POLRMT: variants seen among roughly 807,000 people sequenced by gnomAD.
The protein encoded by POLRMT is DNA-directed RNA polymerase, mitochondrial.
Under a neutral mutation model 132.2 loss-of-function variants are expected in POLRMT, and 114 were observed. The observed-to-expected ratio is 0.86, with a 90% confidence interval of 0.74 to 1.01. POLRMT has a LOEUF of 1.01. Ranked by LOEUF, POLRMT falls within the 50% of genes least tolerant of loss-of-function variation. The probability of loss-of-function intolerance (pLI) is 0.00; values close to 1 mark genes in which losing one functional copy is unlikely to be tolerated. For missense variants in POLRMT, 2,003 were observed against 1,729.1 expected, an observed-to-expected ratio of 1.16 and a Z score of -2.81; for synonymous variants, 1,020 against 773.4, an observed-to-expected ratio of 1.32 and a Z score of -5.29.
intron 2 of POLRMT, among the ~76,000 whole-genome samples, chr19:631,623 T>C (rs1035367999): frequency 3.3e-5 from 5 of 151,736 alleles, no homozygotes; most frequent in African/African-American, 1.2e-4. Flanking sequence ...TAGCAACAGA[T>C]TGAGAATCCG....
chr19:621,286 G>A lies in POLRMT; in HGVS notation c.2412C>T (p.Gly804=). 1.2e-6 allele frequency: 2 copies of A among 1,604,614 alleles called. No homozygotes were observed. Among genetic ancestry groups the A allele is most frequent in the South Asian group, 1.1e-5 (1 of 90,772 alleles). ...FWLPHNMDFR[G]RTYPCPPHFN... Reference sequence around the variant, plus strand: ...AGTGCGGCGGGCAGGGGTAGGTGCGGCCGCGGAAGTCCATGTTGTGCGGCA... The same window carrying A: ...AGTGCGGCGGGCAGGGGTAGGTGCGACCGCGGAAGTCCATGTTGTGCGGCA... The change falls in exon 10 of 21, where the codon GGC becomes GGT. Residue 804 remains glycine, a synonymous_variant. Coordinates refer to ENST00000588649, the MANE Select transcript of POLRMT (RefSeq NM_005035.4).
intron 2 of POLRMT, among the ~76,000 whole-genome samples, chr19:631,098 G>A (rs900088088): frequency 2.0e-5 from 3 of 151,996 alleles, no homozygotes; most frequent in Non-Finnish European, 4.4e-5. Flanking sequence ...GGCAGAGGTT[G>A]CAGTGACTCA....
chr19:621,913 C>T lies in POLRMT; in HGVS notation c.1852-67G>A. On this transcript the variant is annotated intron_variant, in intron 9 of 20. Transcript: ENST00000588649. ...GGCTTTCCTGTTCCCACCCCTTAAA[C>T]TTGGGTGAGAGGGGCCGGCTCCCCG... 1.1e-5 allele frequency: 17 copies of T among 1,547,324 alleles called. 1 individual carries two copies. In the South Asian group the frequency reaches 1.8e-4, roughly 17 times the overall value.
intron 2 of POLRMT, among the ~76,000 whole-genome samples, chr19:632,236 G>C (rs999718303): frequency 6.7e-6 from 1 of 149,488 alleles, no homozygotes; most frequent in Non-Finnish European, 1.5e-5. Flanking sequence ...CACCTGGCCA[G>C]GTTTTTTCCC....
At chr19:618,341 G>A (rs1349206583) in intron 17 of POLRMT, 147 bp downstream of exon 17, 4 of 649,968 alleles carry the variant, frequency 6.2e-6, no homozygotes, top group Admixed American at 3.0e-5. Flanking sequence ...CACAGCCTCA[G>A]GGCCTCTACA....
intron 1 of POLRMT, 149 bp downstream of exon 1, chr19:633,276 C>T (rs1004601928): frequency 1.7e-5 from 17 of 1,011,752 alleles, no homozygotes; most frequent in Non-Finnish European, 2.0e-5. Flanking sequence ...GAAAAGCGGG[C>T]AAGGGCGAGT....
In POLRMT at chr19:618,537, G is replaced by A. The variant is rs1436544615; in HGVS notation, c.3373C>T (p.His1125Tyr). The change falls in exon 17 of 21, where the codon CAC (histidine) becomes TAC (tyrosine). Residue 1125 changes from histidine (H) to tyrosine (Y), a missense_variant. His to Tyr is a moderately conservative substitution (Grantham distance 83, BLOSUM62 2). Transcript: ENST00000588649. ...QKNGFPPNFI[H>Y]SLDSSHMMLT... ...ATCATGTGGGAGGAGTCCAGCGAGT[G>A]GATGAAGTTGGGCGGGAAGCCGTTC... is the stretch of plus-strand genomic sequence containing the variant. 3 of 1,613,258 alleles carry A rather than the reference G, an allele frequency of 1.9e-6. No individual in the cohort carries two copies. Among genetic ancestry groups the A allele is most frequent in the Non-Finnish European group, 2.5e-6 (3 of 1,179,598 alleles).
intron 5 of POLRMT, 79 bp from the exon 6 acceptor site, chr19:623,682 G>A (rs1433422497): frequency 3.3e-6 from 5 of 1,512,674 alleles, no homozygotes; most frequent in African/African-American, 1.4e-5. Context: ...CAGCATGGGT[G>A]CACGCGTTTC....
intron 2 of POLRMT, among the ~76,000 whole-genome samples, chr19:632,620 G>C (rs2144717354): frequency 6.6e-6 from 1 of 152,278 alleles, no homozygotes; most frequent in East Asian, 1.9e-4. Flanking sequence ...TCTGGGGAGG[G>C]GGAATTACGA....
intron 17 of POLRMT, chr19:618,257 G>C (rs1208358889): frequency 1.8e-6 from 1 of 565,016 alleles, no homozygotes. Context: ...CAGCAGGAAG[G>C]GGCAGCGCCC....
At position 619,019 on chromosome 19, in the gene POLRMT, T is replaced by TA. The variant is rs749452299; in HGVS notation, c.3244dup (p.Tyr1082LeufsTer33). The TA allele has an allele frequency of 6.3e-7, 1 of 1,595,084 alleles. No homozygotes were observed. Among genetic ancestry groups the TA allele is most frequent in the Non-Finnish European group, 8.5e-7 (1 of 1,170,662 alleles). ...GACCTTGACCTTGGAGTCCAGGCGA[T>TA]AGGGCTGGATGACGGGGACGCCCAG... On this transcript the variant is annotated frameshift_variant, in exon 15 of 21. Transcript: ENST00000588649. LOFTEE classifies it high-confidence loss of function.
rs1057335748 is a variant in POLRMT at position 618,894 on chromosome 19, G to A, written c.3267+103C>T. 15 of 1,355,170 alleles carry A rather than the reference G, an allele frequency of 1.1e-5. No homozygotes were observed. The African/African-American group carries it at 1.6e-4, about 14-fold the overall frequency. 83.9% of individuals were successfully genotyped at this position (1,355,170 alleles called of 1,614,324 possible). ...GCGCGGGATGGGGTGGCACACTGGGGCGGTGGTACACTGGGGTGGTGGTAC... is the reference window on the plus strand; with the variant it reads ...GCGCGGGATGGGGTGGCACACTGGGACGGTGGTACACTGGGGTGGTGGTAC... On this transcript the variant is annotated intron_variant, in intron 15 of 20. Coordinates refer to ENST00000588649, the MANE Select transcript of POLRMT (RefSeq NM_005035.4).
rs369014160 is a variant in POLRMT, at chr19:618,977, G to A, written c.3267+20C>T. The A allele has an allele frequency of 9.3e-5, 143 of 1,536,140 alleles. No homozygotes were observed. The highest frequency in any genetic ancestry group is 1.2e-4 in the Non-Finnish European group (136 of 1,130,018). On this transcript the variant is annotated intron_variant, in intron 15 of 20. Coordinates refer to ENST00000588649, the MANE Select transcript of POLRMT (RefSeq NM_005035.4). Reference sequence around the variant, plus strand: ...ACTGGGATGGTGGCACACTGGGGAGGGATGGGGTGGTACACTGACCTTGAC... The same window carrying A: ...ACTGGGATGGTGGCACACTGGGGAGAGATGGGGTGGTACACTGACCTTGAC...
rs72974157 is a variant in POLRMT, at chr19:628,474, G to A, written c.822+1066C>T. ...CTGGCCCCACCTGATCCTGAATTTC[G>A]CTGTTTGATGCGTTAATAAAGAAGC... is the stretch of plus-strand genomic sequence containing the variant. On this transcript the variant is annotated intron_variant, in intron 3 of 20. Coordinates refer to ENST00000588649, the MANE Select transcript of POLRMT (RefSeq NM_005035.4). Among the ~76,000 whole-genome samples the A allele has an allele frequency of 4.6e-5, 7 of 152,246 alleles. No homozygotes were observed. The Middle Eastern group carries it at 0.014, about 296-fold the overall frequency.
At chr19:619,926 G>C (rs1272464642) in intron 12 of POLRMT, 32 bp downstream of exon 12, 1 of 1,599,300 alleles carries the variant, frequency 6.3e-7, no homozygotes, top group Non-Finnish European at 8.5e-7. Context: ...CCCCCACGCC[G>C]AGATGCCCCC....
chr19:619,761 T>G lies in POLRMT; in HGVS notation c.2891A>C (p.Glu964Ala). ...CTGGGCGTCCTGCCTACGGAACACC[T>G]CCACCTGCACGGCGGGTGGGCCGGG... ...DVYSGVAAQV[E>A]VFRRQDAQRG... Residue 964 changes from glutamate (E) to alanine (A), a missense_variant, in exon 13 of 21, where the codon GAG (glutamate) becomes GCG (alanine). By Grantham distance (107) the Glu-to-Ala change is moderately radical. Coordinates refer to ENST00000588649, the MANE Select transcript of POLRMT (RefSeq NM_005035.4). 6.4e-7 allele frequency: 1 copy of G among 1,572,710 alleles called. No individual in the cohort carries two copies. Among genetic ancestry groups the G allele is most frequent in the Admixed American group, 1.8e-5 (1 of 55,814 alleles).
chr19:625,306 T>A (rs752970099), intron 3 of POLRMT, 52 bp from the exon 4 acceptor site: 1 of 1,603,430 alleles, frequency 6.2e-7, no homozygotes, highest in Non-Finnish European at 8.5e-7. Context: ...AACCTCCACA[T>A]CCTCCCTGCT....
chr19:620,585 G>A (rs1425744262), intron 10 of POLRMT, 98 bp from the exon 11 acceptor site: 15 of 1,378,294 alleles, frequency 1.1e-5, no homozygotes, highest in Admixed American at 2.8e-5. Context: ...GGGAGGAGAC[G>A]CACACCCGTG....
At chr19:632,539 G>C (rs867652208) in intron 2 of POLRMT, among the ~76,000 whole-genome samples, 26 of 151,550 alleles carry the variant, frequency 1.7e-4, no homozygotes, top group Middle Eastern at 6.8e-3. Context: ...GCGGGGCCGG[G>C]GGGGGGGTCT....
Sources: gnomAD v4.1 joint callset for allele counts (sites outside exome capture counted in the v4.1 genomes callset) on GRCh38, gnomAD v4.1.1 for gene constraint, MANE v1.5 for transcripts, NCBI Gene and HGNC (gene_info 2026-07-23, HGNC 2026-07-21) for gene names.